SGCD: variants seen among roughly 807,000 people sequenced by gnomAD.
The protein encoded by SGCD is sarcoglycan delta.
Under a neutral mutation model 36.6 loss-of-function variants are expected in SGCD, and 18 were observed. The observed-to-expected ratio is 0.49, with a 90% CI of 0.34 to 0.73. The LOEUF (loss-of-function observed/expected upper bound fraction) is 0.73, where lower values mean the gene tolerates loss of function less well. Ranked by LOEUF, SGCD falls within the 30% of genes least tolerant of loss-of-function variation. The pLI is 0.01. For synonymous variants in SGCD, 133 were observed against 130.6 expected (o/e 1.02, Z -0.12); for missense variants, 387 against 346.7 (o/e 1.12, Z -0.92).
chr5:156,026,540 C>T (rs1163514012), intron 1 of SGCD, among the ~76,000 whole-genome samples: 1 of 152,230 alleles, frequency 6.6e-6, no homozygotes, highest in East Asian at 1.9e-4. Context: ...TATACAAGTC[C>T]ATCTTTTTAT....
At chr5:155,811,681 A>G in the SGCD span, among the ~76,000 whole-genome samples, 82 of 152,300 alleles carry the variant, frequency 5.4e-4, no homozygotes, top group African/African-American at 1.8e-3. Flanking sequence ...GTGGATCGGC[A>G]GGTTGAGAAA....
At chr5:156,754,302 C>T (rs937406243) in intron 7 of SGCD, among the ~76,000 whole-genome samples, 1 of 152,192 alleles carries the variant, frequency 6.6e-6, no homozygotes, top group African/African-American at 2.4e-5. Context: ...TTCTTTTTCA[C>T]CAAACTATTC....
the SGCD span, among the ~76,000 whole-genome samples, chr5:155,794,590 A>G: frequency 6.6e-6 from 1 of 152,112 alleles, no homozygotes; most frequent in Non-Finnish European, 1.5e-5. Context: ...AGATGGGAGC[A>G]ATAAAAAACC....
intron 3 of SGCD, among the ~76,000 whole-genome samples, chr5:156,167,034 G>A (rs967131577): frequency 1.3e-5 from 2 of 151,852 alleles, no homozygotes; most frequent in Non-Finnish European, 2.9e-5. Context: ...CTAATTCTGA[G>A]GCCTGACCCA....
chr5:156,649,126 G>A (rs1219021731), intron 7 of SGCD, among the ~76,000 whole-genome samples: 4 of 152,238 alleles, frequency 2.6e-5, no homozygotes, highest in African/African-American at 7.2e-5. Context: ...ATCATCACTG[G>A]CCATCAGAGA....
chr5:156,200,956 G>A (rs535435796), intron 3 of SGCD, among the ~76,000 whole-genome samples: 14 of 152,132 alleles, frequency 9.2e-5, no homozygotes, highest in Non-Finnish European at 1.5e-4. Context: ...ATGGATGAAC[G>A]TCGAGGACAT....
intron 1 of SGCD, among the ~76,000 whole-genome samples, chr5:155,890,215 C>T (rs900249502): frequency 6.6e-6 from 1 of 152,122 alleles, no homozygotes; most frequent in Non-Finnish European, 1.5e-5. Flanking sequence ...TGCAGGCAGA[C>T]AAACATCTAA....
intron 3 of SGCD, among the ~76,000 whole-genome samples, chr5:156,284,669 A>G (rs1190650779): frequency 6.6e-6 from 1 of 152,184 alleles, no homozygotes; most frequent in Admixed American, 6.5e-5. Flanking sequence ...GATGGGATGT[A>G]TCTCAAAATT....
At chr5:156,483,539 C>T (rs918831458) in intron 3 of SGCD, among the ~76,000 whole-genome samples, 1 of 152,170 alleles carries the variant, frequency 6.6e-6, no homozygotes, top group African/African-American at 2.4e-5. Flanking sequence ...GCATCGATAA[C>T]CAAACAGAAG....
intron 3 of SGCD, among the ~76,000 whole-genome samples, chr5:156,144,288 T>G (rs1382643564): frequency 6.6e-6 from 1 of 152,034 alleles, no homozygotes; most frequent in Non-Finnish European, 1.5e-5. Flanking sequence ...GTATTTCTAG[T>G]TCTAGATCCC....
intron 6 of SGCD, among the ~76,000 whole-genome samples, chr5:156,602,802 T>TAG (rs2113419681): frequency 6.6e-6 from 1 of 152,294 alleles, no homozygotes; most frequent in Non-Finnish European, 1.5e-5. Context: ...TACTTGGTCA[T>TAG]AGTGAATAAT....
rs185867896 is a variant in SGCD at position 156,060,972 on chromosome 5, C to T, written c.-281-56906C>T. On this transcript the variant is annotated intron_variant, in intron 1 of 9. Coordinates refer to the SGCD transcript ENST00000517913. ...CCCCAGTTCCTATCACCGTGGTCAG[C>T]GGAATCCCTCTGTCTTTTCTCTGTG... Among the ~76,000 whole-genome samples the T allele has an allele frequency of 8.9e-4, 129 of 144,920 alleles. 15 individuals carry two copies. In the South Asian group the frequency reaches 0.015, roughly 16 times the overall value.
intron 1 of SGCD, among the ~76,000 whole-genome samples, chr5:155,886,845 C>T (rs1304319057): frequency 6.6e-6 from 1 of 152,182 alleles, no homozygotes; most frequent in Non-Finnish European, 1.5e-5. Context: ...GGAAGGCTCA[C>T]TGAATCTGGA....
the SGCD span, among the ~76,000 whole-genome samples, chr5:155,799,434 C>T: frequency 2.6e-5 from 4 of 151,170 alleles, no homozygotes; most frequent in Non-Finnish European, 4.4e-5. Flanking sequence ...TGCTCTGTCA[C>T]CCAGGGTCGA....
chr5:156,622,961 C>T (rs1045743219), intron 6 of SGCD, among the ~76,000 whole-genome samples: 4 of 151,984 alleles, frequency 2.6e-5, no homozygotes, highest in Non-Finnish European at 4.4e-5. Flanking sequence ...TCTCAAATGT[C>T]AAGGAGCCAT....
At chr5:155,910,488 T>C (rs945416557) in intron 1 of SGCD, among the ~76,000 whole-genome samples, 4 of 152,028 alleles carry the variant, frequency 2.6e-5, no homozygotes, top group Admixed American at 2.6e-4. Flanking sequence ...AAGAAGGTCA[T>C]TAGATCCCCC....
chr5:156,552,478 A>G (rs1480488567), intron 4 of SGCD, among the ~76,000 whole-genome samples: 1 of 152,170 alleles, frequency 6.6e-6, no homozygotes, highest in Non-Finnish European at 1.5e-5. Flanking sequence ...TTGTTTGTAA[A>G]TAAGTCACAG....
chr5:156,033,124 AAAG>A (rs1759395615), intron 1 of SGCD, among the ~76,000 whole-genome samples: 1 of 151,930 alleles, frequency 6.6e-6, no homozygotes, highest in South Asian at 2.1e-4. Flanking sequence ...AAACAAAAAA[AAAG>A]AAGCTCAAAT....
chr5:155,957,270 G>T (rs1211437719), intron 1 of SGCD, among the ~76,000 whole-genome samples: 1 of 152,044 alleles, frequency 6.6e-6, no homozygotes, highest in Non-Finnish European at 1.5e-5. Context: ...TGAGGCTGCT[G>T]GGAGCCTGGG....
Sources: gnomAD v4.1 joint callset for allele counts (sites outside exome capture counted in the v4.1 genomes callset) on GRCh38, gnomAD v4.1.1 for gene constraint, MANE v1.5 for transcripts, NCBI Gene and HGNC (gene_info 2026-07-23, HGNC 2026-07-21) for gene names.